Variants in MACROD1 observed in about 807,000 individuals in gnomAD.
MACROD1 encodes ADP-ribose glycohydrolase MACROD1.
MACROD1 carries 31 observed loss-of-function variants against 41.4 expected under a neutral mutation model. The observed-to-expected ratio is 0.75, with a 90% confidence interval of 0.56 to 1.01. The LOEUF (loss-of-function observed/expected upper bound fraction) is 1.01. MACROD1 is among the 50% of genes least tolerant of loss of function. The pLI is 0.00. For synonymous variants in MACROD1, 252 were observed against 203.4 expected, an observed-to-expected ratio of 1.24 and a Z score of -2.03; for missense variants, 473 against 460.0, an observed-to-expected ratio of 1.03 and a Z score of -0.26.
intron 1 of MACROD1, 72 bp downstream of exon 1, chr11:64,165,625 T>TG: frequency 7.7e-7 from 1 of 1,290,526 alleles, no homozygotes; most frequent in Non-Finnish European, 1.0e-6. Flanking sequence ...GCTCGCTCGT[T>TG]GGGGGCCGCC....
chr11:64,046,754 G>A (rs1273148519), intron 3 of MACROD1, among the ~76,000 whole-genome samples: 6 of 152,074 alleles, frequency 3.9e-5, no homozygotes. Flanking sequence ...CTGCCTCAAC[G>A]TCCCAAAGTG....
chr11:64,077,779 T>A (rs1032906324), intron 3 of MACROD1, among the ~76,000 whole-genome samples: 2 of 152,244 alleles, frequency 1.3e-5, no homozygotes, highest in Non-Finnish European at 2.9e-5. Flanking sequence ...GTGGCTGGAC[T>A]GGGCCCTGGC....
At chr11:64,158,964 T>C (rs141189938) in intron 1 of MACROD1, among the ~76,000 whole-genome samples, 18 of 152,024 alleles carry the variant, frequency 1.2e-4, no homozygotes, top group African/African-American at 4.1e-4. Context: ...GGTGGGTGGA[T>C]TGCTTGAGCT....
intron 4 of MACROD1, 61 bp downstream of exon 4, chr11:64,015,191 G>T: frequency 6.6e-7 from 1 of 1,510,152 alleles, no homozygotes; most frequent in South Asian, 1.3e-5. Flanking sequence ...GGCAGGGGAG[G>T]AGCAGACCCA....
chr11:64,104,013 AG>A, intron 3 of MACROD1: 2 of 152,406 alleles, frequency 1.3e-5, no homozygotes, highest in East Asian at 3.8e-4. Flanking sequence ...CCCAGGGCTG[AG>A]GTCTGCGTCC....
chr11:64,157,807 A>G (rs1565264930), intron 1 of MACROD1, among the ~76,000 whole-genome samples: 1 of 152,218 alleles, frequency 6.6e-6, no homozygotes, highest in Non-Finnish European at 1.5e-5. Context: ...AGAGAATGCC[A>G]GGTGGGCAGG....
chr11:64,053,144 T>C (rs1943724324), intron 3 of MACROD1, among the ~76,000 whole-genome samples: 1 of 152,134 alleles, frequency 6.6e-6, no homozygotes, highest in African/African-American at 2.4e-5. Flanking sequence ...ACCAGGCTCA[T>C]GCGGGCCCCA....
chr11:64,116,979 C>T (rs1306132279), intron 3 of MACROD1: 14 of 1,612,026 alleles, frequency 8.7e-6, no homozygotes, highest in Non-Finnish European at 1.1e-5. Context: ...GGCCAACCAG[C>T]GCATCGCCGA....
In MACROD1 at chr11:63,999,532, A is replaced by G. The variant is rs904039864; in HGVS notation, c.815T>C (p.Phe272Ser). 3.1e-6 allele frequency: 5 copies of G among 1,608,228 alleles called. No homozygotes were observed. Among genetic ancestry groups the G allele is most frequent in the Non-Finnish European group, 4.2e-6 (5 of 1,178,062 alleles). ...VAFPCISTGV[F>S]GYPCEAAAEI... ...CCTTGCCTTTCTTCCAGACTCACCA[A>G]ACACGCCGGTGGAGATGCAGGGGAA... The change falls in exon 7 of 11, where the codon TTT becomes TCT. Residue 272 changes from phenylalanine (F) to serine (S), a missense_variant and splice_region_variant. Physicochemically the swap from Phe to Ser is radical, Grantham distance 155 (BLOSUM62 -2). Transcript: ENST00000255681.
At chr11:64,027,804 A>AC (rs1943241249) in intron 3 of MACROD1, among the ~76,000 whole-genome samples, 1 of 152,096 alleles carries the variant, frequency 6.6e-6, no homozygotes, top group South Asian at 2.1e-4. Flanking sequence ...GGAGCCCTTG[A>AC]CCTAGGTTCC....
At chr11:64,007,509 C>T (rs1441458674) in intron 4 of MACROD1, among the ~76,000 whole-genome samples, 1 of 152,160 alleles carries the variant, frequency 6.6e-6, no homozygotes, top group Non-Finnish European at 1.5e-5. Flanking sequence ...GTGGCAGGAA[C>T]AGGCCGGCGG....
Position 64,082,085 on chromosome 11 carries a change from G to C in MACROD1, c.518-66804C>G, listed in dbSNP as rs952859547. ...CCTGGGCTGGGGCAGAGGGGCCGTG[G>C]CGAGAACAGATGGGGCTGTGCCCAT... On this transcript the variant is annotated intron_variant, in intron 3 of 10. Coordinates refer to ENST00000255681, the MANE Select transcript of MACROD1 (RefSeq NM_014067.4). This position sits in a 1 kb window ranked among gnomAD's most constrained non-coding sequence, Gnocchi z 4.5. 1.3e-5 allele frequency: 2 copies of C among 152,222 alleles called. No homozygotes were observed. Among genetic ancestry groups the C allele is most frequent in the Admixed American group, 6.5e-5 (1 of 15,282 alleles). The allele number at this position is 152,222 out of a possible 1,614,324, so 9.4% of individuals were successfully genotyped here. A position where few individuals can be genotyped will look rare whatever the true frequency, so the allele number is the denominator to read the frequency against.
rs529216843 is a variant in MACROD1, at chr11:64,100,339, C to T, written c.517+50900G>A. Among the ~76,000 whole-genome samples, 8 of 152,136 alleles carry T rather than the reference C, an allele frequency of 5.3e-5. No individual in the cohort carries two copies. In the East Asian group the frequency reaches 9.6e-4, roughly 18 times the overall value. ...TTTAATACAGTTGTGATGTGATTGACGACAACAAAAGTAGAAAATTGTGTA... is the reference window on the plus strand; with the variant it reads ...TTTAATACAGTTGTGATGTGATTGATGACAACAAAAGTAGAAAATTGTGTA... On this transcript the variant is annotated intron_variant, in intron 3 of 10. Coordinates refer to ENST00000255681, the MANE Select transcript of MACROD1 (RefSeq NM_014067.4).
chr11:64,015,351 A>T (rs949361170), intron 3 of MACROD1, 70 bp from the exon 4 acceptor site: 12 of 1,473,990 alleles, frequency 8.1e-6, no homozygotes, highest in Non-Finnish European at 1.0e-5. Flanking sequence ...CCTTGAGGGG[A>T]GGGTGATGTC....
At chr11:64,163,702 T>C (rs1945791075) in intron 1 of MACROD1, among the ~76,000 whole-genome samples, 1 of 152,230 alleles carries the variant, frequency 6.6e-6, no homozygotes, top group Admixed American at 6.5e-5. Flanking sequence ...AGGGAGACCC[T>C]GAGCTAGAAC....
chr11:64,155,934 C>T (rs925239219), intron 1 of MACROD1, among the ~76,000 whole-genome samples: 1 of 151,970 alleles, frequency 6.6e-6, no homozygotes, highest in African/African-American at 2.4e-5. Flanking sequence ...CATGGTGAAA[C>T]CCCATCTCTA....
chr11:64,060,805 GTCCT>G (rs1471180856), intron 3 of MACROD1: 1 of 152,232 alleles, frequency 6.6e-6, no homozygotes, highest in Non-Finnish European at 1.5e-5. Flanking sequence ...CAGTCTTTGA[GTCCT>G]GCAGCCCCCG....
intron 1 of MACROD1, among the ~76,000 whole-genome samples, chr11:64,162,293 G>A (rs1477606117): frequency 6.6e-6 from 1 of 152,052 alleles, no homozygotes. Context: ...GCAGTGAGCT[G>A]AGATCTCACA....
chr11:64,156,493 T>C (rs1009862303), intron 1 of MACROD1, among the ~76,000 whole-genome samples: 2 of 152,086 alleles, frequency 1.3e-5, no homozygotes, highest in Admixed American at 1.3e-4. Context: ...GGGCAGGCCC[T>C]GGGAATCCCA....
Sources: gnomAD v4.1 joint callset for allele counts (sites outside exome capture counted in the v4.1 genomes callset) on GRCh38, gnomAD v4.1.1 for gene constraint, Gnocchi (gnomAD v3.1) non-coding constraint, MANE v1.5 for transcripts, NCBI Gene and HGNC (gene_info 2026-07-23, HGNC 2026-07-21) for gene names.